Variants in UMODL1 observed in about 807,000 individuals in gnomAD.
The protein encoded by UMODL1 is uromodulin like 1, also known as uromodulin-like 1.
A neutral mutation model predicts 136.3 loss-of-function variants in UMODL1; 128 were observed. The ratio of observed to expected loss-of-function variants is 0.94; its 90% CI spans 0.81 to 1.09. The LOEUF (loss-of-function observed/expected upper bound fraction) is 1.09. UMODL1 is among the 50% of genes least tolerant of loss of function. The probability of loss-of-function intolerance (pLI) is 0.00; values close to 1 mark genes in which losing one functional copy is unlikely to be tolerated. For synonymous variants in UMODL1, 721 were observed against 720.0 expected (o/e 1.00, Z -0.02); for missense variants, 1,766 against 1,725.6 (o/e 1.02, Z -0.41).
intron 9 of UMODL1, 108 bp from the exon 10 acceptor site, chr21:42,109,454 C>A: frequency 6.7e-7 from 1 of 1,497,798 alleles, no homozygotes; most frequent in Non-Finnish European, 9.1e-7. Flanking sequence ...CTGCTCCCGG[C>A]CGTTCACTGC....
At chr21:42,065,742 C>T (rs2066178017) in intron 1 of UMODL1, among the ~76,000 whole-genome samples, 3 of 152,018 alleles carry the variant, frequency 2.0e-5, no homozygotes, top group Non-Finnish European at 1.5e-5. Context: ...CCATGTTGGC[C>T]AGGAGGGCCT....
chr21:42,108,493 G>A (rs1249921662), intron 9 of UMODL1: 3 of 437,080 alleles, frequency 6.9e-6, no homozygotes, highest in African/African-American at 6.0e-5. Flanking sequence ...CACAAAACGA[G>A]CCTCAGAGCA....
intron 21 of UMODL1, among the ~76,000 whole-genome samples, chr21:42,133,994 T>G (rs1373393543): frequency 6.6e-6 from 1 of 152,242 alleles, no homozygotes; most frequent in Non-Finnish European, 1.5e-5. Flanking sequence ...CTCGGCTCAC[T>G]GCAACATCTG....
intron 10 of UMODL1, among the ~76,000 whole-genome samples, chr21:42,110,414 G>T (rs77940529): frequency 6.6e-6 from 1 of 152,220 alleles, no homozygotes; most frequent in African/African-American, 2.4e-5. Context: ...GACACTGCGT[G>T]TGCTGTCCTG....
chr21:42,070,387 A>G (rs539566647), upstream of UMODL1, among the ~76,000 whole-genome samples: 321 of 152,378 alleles, frequency 2.1e-3, 3 homozygotes, highest in African/African-American at 7.4e-3. Context: ...AGAACTTAAC[A>G]TGAGATTTAG....
chr21:42,097,810 C>A (rs189345565), intron 6 of UMODL1, among the ~76,000 whole-genome samples: 34 of 152,216 alleles, frequency 2.2e-4, no homozygotes, highest in African/African-American at 7.7e-4. Flanking sequence ...GCTGTACAGC[C>A]AGAATGTTTT....
chr21:42,064,343 C>T (rs1390493745), intron 1 of UMODL1, among the ~76,000 whole-genome samples: 1 of 152,182 alleles, frequency 6.6e-6, no homozygotes, highest in Non-Finnish European at 1.5e-5. Context: ...GGACGGCCTC[C>T]GAACTGGAAC....
chr21:42,108,346 C>T (rs1403633266), intron 9 of UMODL1: 2 of 526,522 alleles, frequency 3.8e-6, no homozygotes, highest in South Asian at 1.4e-5. Flanking sequence ...GGGTTGGCAC[C>T]AGCAGTGTTC....
chr21:42,142,421 T>C lies in UMODL1; in HGVS notation c.*347T>C, dbSNP rs9976693. ...CACCACCCGCGCGGCCCCCGCAGCCTAGACCTCCCAGGCCTGTGACCCTCC... is the reference window on the plus strand; with the variant it reads ...CACCACCCGCGCGGCCCCCGCAGCCCAGACCTCCCAGGCCTGTGACCCTCC... On this transcript the variant is annotated 3_prime_UTR_variant, in exon 23 of 23. Coordinates refer to ENST00000408910, the MANE Select transcript of UMODL1 (RefSeq NM_001004416.3). 0.52 allele frequency: 78,385 copies of C among 152,108 alleles called. 21,696 individuals carry two copies. The highest frequency in any genetic ancestry group is 0.63 in the Non-Finnish European group (43,099 of 68,006). The allele number at this position is 152,108 out of a possible 1,614,324, so 9.4% of individuals were successfully genotyped here. A position where few individuals can be genotyped will look rare whatever the true frequency, so the allele number is the denominator to read the frequency against.
chr21:42,116,013 C>G, intron 14 of UMODL1, 28 bp downstream of exon 14: 1 of 1,572,520 alleles, frequency 6.4e-7, no homozygotes, highest in Non-Finnish European at 8.7e-7. Flanking sequence ...GCCCTTAATT[C>G]CTTTCAGGAG....
chr21:42,127,516 G>GGGTTTTGGGGAA (rs2067075472), intron 19 of UMODL1, among the ~76,000 whole-genome samples, 156 bp from the exon 20 acceptor site: 1 of 152,194 alleles, frequency 6.6e-6, no homozygotes, highest in Non-Finnish European at 1.5e-5. Context: ...TCATGGACCT[G>GGGTTTTGGGGAA]GGTTTTGGGG....
rs574241725 is a variant in UMODL1 at position 42,121,126 on chromosome 21, C to G, written c.2729C>G (p.Pro910Arg). The G allele has an allele frequency of 3.7e-6, 6 of 1,614,034 alleles. No homozygotes were observed. Among genetic ancestry groups the G allele is most frequent in the Middle Eastern group, 1.7e-4 (1 of 6,048 alleles). Reference sequence around the variant, plus strand: ...GAAAGGAAGGAGGACGACTGTGTGCCGGGGACATCCTGTCGAAACACCCTC... The same window carrying G: ...GAAAGGAAGGAGGACGACTGTGTGCGGGGGACATCCTGTCGAAACACCCTC... ...ECERKEDDCV[P>R]GTSCRNTLGS... The change falls in exon 16 of 23, where the codon CCG (proline) becomes CGG (arginine). Residue 910 changes from proline to arginine, a missense_variant. Coordinates refer to ENST00000408910, the MANE Select transcript of UMODL1 (RefSeq NM_001004416.3).
At chr21:42,116,629 A>T (rs1367480483) in intron 14 of UMODL1, among the ~76,000 whole-genome samples, 1 of 150,582 alleles carries the variant, frequency 6.6e-6, no homozygotes, top group Non-Finnish European at 1.5e-5. Context: ...TTTTTTTTTT[A>T]AACCTGTAAA....
upstream of UMODL1, among the ~76,000 whole-genome samples, chr21:42,068,534 A>G (rs1280303558): frequency 6.6e-6 from 1 of 152,112 alleles, no homozygotes; most frequent in East Asian, 1.9e-4. The surrounding 1 kb of genome is among the most constrained non-coding windows in gnomAD (Gnocchi z 5.5). Context: ...ATTCTCCATC[A>G]CAACCAGCTT....
At chr21:42,071,421 T>C in intron 1 of UMODL1, 29 bp downstream of exon 1, 1 of 1,546,070 alleles carries the variant, frequency 6.5e-7, no homozygotes, top group Non-Finnish European at 8.7e-7. Context: ...GCATGGGCAG[T>C]TCTTAAGGAC....
rs74796076 is a variant in UMODL1, at chr21:42,084,176, G to A, written c.412G>A (p.Asp138Asn). 1.4e-3 allele frequency: 2,244 copies of A among 1,614,018 alleles called. 11 individuals are homozygous for A. The African/African-American group carries it at 0.026, about 19-fold the overall frequency. ...PSTSPCSLDI[D>N]CPGLEKCCPW... ...CACCTCCCCCTGCAGCTTGGACATC[G>A]ACTGTCCTGGACTTGAGAAGTGCTG... The change falls in exon 3 of 23, where the codon GAC becomes AAC. Residue 138 changes from aspartate to asparagine, a missense_variant. By Grantham distance (23) the Asp-to-Asn change is conservative. Coordinates refer to ENST00000408910, the MANE Select transcript of UMODL1 (RefSeq NM_001004416.3).
chr21:42,066,568 G>A (rs535941815), upstream of UMODL1, among the ~76,000 whole-genome samples: 2 of 152,202 alleles, frequency 1.3e-5, no homozygotes, highest in East Asian at 3.9e-4. Flanking sequence ...GGCCTCTCTG[G>A]TTTCCTAGGG....
intron 6 of UMODL1, among the ~76,000 whole-genome samples, chr21:42,090,725 G>A (rs546724743): frequency 6.6e-6 from 1 of 152,318 alleles, no homozygotes; most frequent in Admixed American, 6.5e-5. Context: ...GCAGTCCCAC[G>A]TGTGTTGTTA....
At chr21:42,063,481 T>G (rs1189187292) in intron 1 of UMODL1, among the ~76,000 whole-genome samples, 2 of 152,198 alleles carry the variant, frequency 1.3e-5, no homozygotes, top group African/African-American at 4.8e-5. Context: ...TTTAAAGAGC[T>G]TCCCAGCAGG....
Sources: gnomAD v4.1 joint callset for allele counts (sites outside exome capture counted in the v4.1 genomes callset) on GRCh38, gnomAD v4.1.1 for gene constraint, Gnocchi (gnomAD v3.1) non-coding constraint, MANE v1.5 for transcripts, NCBI Gene and HGNC (gene_info 2026-07-23, HGNC 2026-07-21) for gene names.